CNTNAP2: variants seen among roughly 807,000 people sequenced by gnomAD.
CNTNAP2 encodes contactin-associated protein-like 2.
In CNTNAP2, 98 loss-of-function variants were observed where a neutral mutation model predicts 155.2. The observed-to-expected ratio is 0.63, with a 90% CI of 0.54 to 0.75. CNTNAP2 has a LOEUF of 0.75. Ranked by LOEUF, CNTNAP2 falls within the 30% of genes least tolerant of loss-of-function variation. CNTNAP2 has a pLI of 0.00. For synonymous variants in CNTNAP2, 651 were observed against 631.2 expected (o/e 1.03, Z -0.47); for missense variants, 1,727 against 1,688.1 (o/e 1.02, Z -0.40).
At chr7:147,938,234 G>A (rs375166884) in intron 14 of CNTNAP2, among the ~76,000 whole-genome samples, 3 of 152,022 alleles carry the variant, frequency 2.0e-5, no homozygotes, top group South Asian at 4.1e-4. Context: ...CTCAGCACTC[G>A]TAAAAATATG....
intron 3 of CNTNAP2, among the ~76,000 whole-genome samples, chr7:146,879,684 T>G (rs1384782323): frequency 6.6e-6 from 1 of 152,082 alleles, no homozygotes; most frequent in African/African-American, 2.4e-5. Context: ...GCTGAGAGCC[T>G]TCTCCCAAAA....
intron 15 of CNTNAP2, among the ~76,000 whole-genome samples, chr7:148,074,899 TC>T (rs1340852106): frequency 1.3e-5 from 2 of 152,174 alleles, no homozygotes; most frequent in Admixed American, 1.3e-4. Flanking sequence ...CACTTTCTCA[TC>T]CCCATCTTTA....
intron 1 of CNTNAP2, among the ~76,000 whole-genome samples, chr7:146,595,236 C>T (rs916618812): frequency 1.3e-5 from 2 of 152,126 alleles, no homozygotes; most frequent in East Asian, 1.9e-4. Context: ...AAGAAACATA[C>T]TCTATATATT....
chr7:147,828,299 A>G (rs1798492676), intron 13 of CNTNAP2, among the ~76,000 whole-genome samples: 1 of 152,186 alleles, frequency 6.6e-6, no homozygotes, highest in African/African-American at 2.4e-5. Flanking sequence ...ATCGAAGTCC[A>G]GATTTCCTTG....
At chr7:146,311,485 A>G (rs1031546871) in intron 1 of CNTNAP2, among the ~76,000 whole-genome samples, 7 of 151,870 alleles carry the variant, frequency 4.6e-5, no homozygotes, top group African/African-American at 7.3e-5. Context: ...ATGAGATTTT[A>G]TAGAGGTCAG....
At chr7:147,033,160 G>GTATATATATATATATATA (rs3081742) in intron 3 of CNTNAP2, among the ~76,000 whole-genome samples, 13 of 90,846 alleles carry the variant, frequency 1.4e-4, no homozygotes, top group Admixed American at 3.0e-4. Flanking sequence ...ATATATATAT[G>GTATATATATATATATATA]TATATATATA....
At chr7:146,323,349 T>A (rs1439613101) in intron 1 of CNTNAP2, among the ~76,000 whole-genome samples, 1 of 152,080 alleles carries the variant, frequency 6.6e-6, no homozygotes, top group African/African-American at 2.4e-5. Context: ...AAATCTTTGA[T>A]CTCTCTCTCG....
intron 2 of CNTNAP2, among the ~76,000 whole-genome samples, chr7:146,805,688 G>A (rs903155351): frequency 3.9e-5 from 6 of 152,286 alleles, no homozygotes; most frequent in Admixed American, 1.3e-4. Context: ...AAGGTTCTGT[G>A]ACTGGCAGCC....
intron 10 of CNTNAP2, among the ~76,000 whole-genome samples, chr7:147,460,914 T>G (rs978934937): frequency 2.6e-5 from 4 of 152,218 alleles, no homozygotes; most frequent in Admixed American, 1.3e-4. Context: ...TTCTACTTAG[T>G]CAATTGTTTG....
intron 1 of CNTNAP2, among the ~76,000 whole-genome samples, chr7:146,735,090 G>C (rs1311420443): frequency 6.6e-6 from 1 of 152,064 alleles, no homozygotes; most frequent in Non-Finnish European, 1.5e-5. Context: ...ATTGTTATTG[G>C]AATGACCTTC....
intron 13 of CNTNAP2, among the ~76,000 whole-genome samples, chr7:147,786,785 C>T (rs1378810147): frequency 6.6e-6 from 1 of 152,090 alleles, no homozygotes; most frequent in Non-Finnish European, 1.5e-5. Context: ...CTGGGCCACA[C>T]TGCAAGACCT....
At chr7:146,462,427 C>T (rs1004702177) in intron 1 of CNTNAP2, among the ~76,000 whole-genome samples, 7 of 152,196 alleles carry the variant, frequency 4.6e-5, no homozygotes, top group African/African-American at 1.7e-4. Context: ...CATTCTCCCC[C>T]TTCTAACTTC....
At chr7:147,763,502 A>G (rs190639142) in intron 13 of CNTNAP2, among the ~76,000 whole-genome samples, 1 of 152,178 alleles carries the variant, frequency 6.6e-6, no homozygotes, top group Admixed American at 6.5e-5. Flanking sequence ...GTTGCAAAGA[A>G]GAGAAGCAGC....
intron 16 of CNTNAP2, among the ~76,000 whole-genome samples, chr7:148,132,955 TGG>T (rs1804864033): frequency 6.6e-6 from 1 of 152,232 alleles, no homozygotes. Flanking sequence ...CTGACACAGT[TGG>T]GTATTGAAAA....
At chr7:148,331,919 T>C (rs1333987106) in intron 21 of CNTNAP2, among the ~76,000 whole-genome samples, 1 of 151,994 alleles carries the variant, frequency 6.6e-6, no homozygotes, top group Non-Finnish European at 1.5e-5. Context: ...AGGGAGAAAA[T>C]GGAGCTGCCT....
At chr7:147,260,179 T>C (rs984352869) in intron 8 of CNTNAP2, among the ~76,000 whole-genome samples, 2 of 152,344 alleles carry the variant, frequency 1.3e-5, no homozygotes, top group East Asian at 3.9e-4. Flanking sequence ...TTACTATTCA[T>C]GGCTTCCTAG....
chr7:146,817,001 A>G (rs1263051246), intron 2 of CNTNAP2, among the ~76,000 whole-genome samples: 2 of 152,210 alleles, frequency 1.3e-5, no homozygotes, highest in African/African-American at 2.4e-5. Flanking sequence ...CTTGGAAAAT[A>G]CCAAAATTGA....
intron 15 of CNTNAP2, among the ~76,000 whole-genome samples, chr7:148,012,554 G>A (rs571650591): frequency 4.6e-5 from 7 of 150,704 alleles, no homozygotes; most frequent in Non-Finnish European, 1.0e-4. Context: ...TAGATCTCAT[G>A]TTAAGTGTTT....
intron 3 of CNTNAP2, 112 bp downstream of exon 3, chr7:146,840,016 G>A: frequency 2.4e-6 from 3 of 1,260,360 alleles, no homozygotes; most frequent in Non-Finnish European, 3.3e-6. Flanking sequence ...TCAAATCATT[G>A]GGAAACTATT....
Sources: gnomAD v4.1 joint callset for allele counts (sites outside exome capture counted in the v4.1 genomes callset) on GRCh38, gnomAD v4.1.1 for gene constraint, MANE v1.5 for transcripts, NCBI Gene and HGNC (gene_info 2026-07-23, HGNC 2026-07-21) for gene names.